Variants in NALF1 observed in about 807,000 individuals in gnomAD.
NALF1 encodes NALCN channel auxiliary factor 1.
In NALF1, 3 loss-of-function variants were observed where a neutral mutation model predicts 48.4. The ratio of observed to expected loss-of-function variants is 0.06; its 90% CI spans 0.03 to 0.16. The LOEUF (loss-of-function observed/expected upper bound fraction) is 0.16. Ranked by LOEUF, NALF1 falls within the 10% of genes least tolerant of loss-of-function variation. The probability of loss-of-function intolerance (pLI) is 1.00; values close to 1 mark genes in which losing one functional copy is unlikely to be tolerated. For synonymous variants in NALF1, 262 were observed against 245.7 expected (o/e 1.07, Z -0.62); for missense variants, 526 against 571.5 (o/e 0.92, Z 0.81).
chr13:107,437,398 T>C (rs1207166416), intron 1 of NALF1, among the ~76,000 whole-genome samples: 1 of 152,132 alleles, frequency 6.6e-6, no homozygotes, highest in Non-Finnish European at 1.5e-5. Context: ...GTATTTCCTT[T>C]AAAATAAAAA....
At chr13:107,358,466 C>A (rs968707857) in intron 1 of NALF1, among the ~76,000 whole-genome samples, 1 of 152,044 alleles carries the variant, frequency 6.6e-6, no homozygotes, top group Non-Finnish European at 1.5e-5. Context: ...TTTTTAACCT[C>A]ATTTATTGGC....
intron 1 of NALF1, among the ~76,000 whole-genome samples, chr13:107,810,556 C>A (rs751650690): frequency 2.0e-5 from 3 of 152,246 alleles, no homozygotes; most frequent in Admixed American, 6.5e-5. Flanking sequence ...TATATTTATA[C>A]ACAAATGTCC....
intron 1 of NALF1, among the ~76,000 whole-genome samples, chr13:107,861,512 C>T (rs1391994071): frequency 6.6e-6 from 1 of 152,200 alleles, no homozygotes; most frequent in Non-Finnish European, 1.5e-5. Context: ...TGGCCAGGCG[C>T]TGTGGCTCAC....
Position 107,604,286 on chromosome 13 carries a change from T to A in NALF1, c.915+261396A>T, listed in dbSNP as rs373796893. Among the ~76,000 whole-genome samples, 6 of 152,316 alleles carry A rather than the reference T, an allele frequency of 3.9e-5. No individual in the cohort carries two copies. In the East Asian group the frequency reaches 7.7e-4, roughly 20 times the overall value. The stretch of plus-strand genomic sequence containing the variant: ...GCTTAGGGGCTACATTTAAAATTGG[T>A]GGCTTTTAATCCAAATAATTATTTT... On this transcript the variant is annotated intron_variant, in intron 1 of 2. Coordinates refer to ENST00000375915, the MANE Select transcript of NALF1 (RefSeq NM_001080396.3).
At chr13:107,661,505 CAACTG>C (rs1880734075) in intron 1 of NALF1, among the ~76,000 whole-genome samples, 1 of 151,640 alleles carries the variant, frequency 6.6e-6, no homozygotes, top group South Asian at 2.1e-4. Flanking sequence ...TGCGAGCGGC[CAACTG>C]AACTAGTAGC....
At chr13:107,482,392 G>A (rs775736120) in intron 1 of NALF1, among the ~76,000 whole-genome samples, 33 of 152,130 alleles carry the variant, frequency 2.2e-4, no homozygotes, top group African/African-American at 4.3e-4. Context: ...AGAGAACCTC[G>A]ACTAATACAC....
chr13:107,824,277 G>A (rs1274954813), intron 1 of NALF1, among the ~76,000 whole-genome samples: 1 of 151,906 alleles, frequency 6.6e-6, no homozygotes, highest in African/African-American at 2.4e-5. Flanking sequence ...TTGTCTGATT[G>A]TTAATATAGG....
chr13:107,553,204 A>G (rs1877348943), intron 1 of NALF1, among the ~76,000 whole-genome samples: 1 of 152,216 alleles, frequency 6.6e-6, no homozygotes, highest in Non-Finnish European at 1.5e-5. Context: ...TTAGAAACGC[A>G]TTGCTAAATC....
intron 2 of NALF1, among the ~76,000 whole-genome samples, chr13:107,194,235 A>G (rs2138787410): frequency 6.6e-6 from 1 of 152,306 alleles, no homozygotes. Context: ...TGAAGATGTA[A>G]TGAGATCATT....
At chr13:107,587,130 G>A (rs533844721) in intron 1 of NALF1, among the ~76,000 whole-genome samples, 5 of 152,076 alleles carry the variant, frequency 3.3e-5, no homozygotes, top group South Asian at 4.2e-4. Flanking sequence ...GATAAATGAG[G>A]GTAATCAAAG....
intron 1 of NALF1, among the ~76,000 whole-genome samples, chr13:107,665,393 T>A (rs1393929189): frequency 1.3e-5 from 2 of 152,148 alleles, no homozygotes; most frequent in Admixed American, 6.6e-5. Flanking sequence ...TAGTTCTTAC[T>A]CTTAGGCAAT....
intron 1 of NALF1, among the ~76,000 whole-genome samples, chr13:107,805,510 C>G (rs1035938621): frequency 9.2e-5 from 14 of 152,014 alleles, no homozygotes; most frequent in Admixed American, 1.3e-4. Context: ...CTCCCAGGAG[C>G]TCTTTTGTTC....
In NALF1 at chr13:107,867,301, TGCTGCC is replaced by T. The variant is rs1294789166; in HGVS notation, c.-711_-706del. Among the ~76,000 whole-genome samples the T allele has an allele frequency of 2.0e-4, 7 of 35,762 alleles. No individual in the cohort carries two copies. The South Asian group carries it at 6.2e-3, about 32-fold the overall frequency. The allele number at this position is 35,762 out of a possible 152,430, so 23.5% of individuals were successfully genotyped here. The stretch of plus-strand genomic sequence containing the variant: ...CCCACCCCCCACCCCGCGCTCTAAG[TGCTGCC>T]GCCGCCGCCGCCGCCGCCGCCGCTG... On this transcript the variant is annotated 5_prime_UTR_variant, in exon 1 of 3. Coordinates refer to ENST00000375915, the MANE Select transcript of NALF1 (RefSeq NM_001080396.3). The surrounding 1 kb of genome is among the most constrained non-coding windows in gnomAD (Gnocchi z 4.4).
intron 1 of NALF1, among the ~76,000 whole-genome samples, chr13:107,601,254 T>C (rs1878917388): frequency 6.6e-6 from 1 of 152,186 alleles, no homozygotes; most frequent in African/African-American, 2.4e-5. Context: ...GAGCTGAGAC[T>C]GTGCTGACCA....
intron 1 of NALF1, among the ~76,000 whole-genome samples, chr13:107,366,489 A>T (rs1487557757): frequency 6.6e-6 from 1 of 152,202 alleles, no homozygotes; most frequent in African/African-American, 2.4e-5. Context: ...GCATTTACCA[A>T]CAAAAGGGGC....
intron 1 of NALF1, among the ~76,000 whole-genome samples, chr13:107,599,436 A>AC (rs1555311571): frequency 6.7e-6 from 1 of 150,160 alleles, no homozygotes; most frequent in Non-Finnish European, 1.5e-5. Context: ...AAAAAAAAAA[A>AC]AAATAACATT....
In NALF1 at chr13:107,503,774, T is replaced by A. The variant is rs1359345662; in HGVS notation, c.916-293019A>T. ...GTGTTTGTGTGTGTGTGTGTGTGTG[T>A]GTGTGTGTGTGTGTAATGAAGTATT... On this transcript the variant is annotated intron_variant, in intron 1 of 2. Coordinates refer to ENST00000375915, the MANE Select transcript of NALF1 (RefSeq NM_001080396.3). 3.5e-5 allele frequency among the ~76,000 whole-genome samples: 5 copies of A among 144,262 alleles called. No homozygotes were observed. The East Asian group carries it at 9.7e-4, about 28-fold the overall frequency. The allele number at this position is 144,262 out of a possible 152,430, so 94.6% of individuals were successfully genotyped here.
chr13:107,558,364 C>G (rs925374401), intron 1 of NALF1, among the ~76,000 whole-genome samples: 5 of 151,926 alleles, frequency 3.3e-5, no homozygotes, highest in African/African-American at 1.2e-4. Context: ...TTCAATAGCA[C>G]AAAAATTATC....
intron 1 of NALF1, among the ~76,000 whole-genome samples, chr13:107,666,052 A>G (rs1197185926): frequency 6.6e-6 from 1 of 152,128 alleles, no homozygotes; most frequent in African/African-American, 2.4e-5. Context: ...ATGTCTAATA[A>G]TCTCCCATGA....
Sources: gnomAD v4.1 joint callset for allele counts (sites outside exome capture counted in the v4.1 genomes callset) on GRCh38, gnomAD v4.1.1 for gene constraint, Gnocchi (gnomAD v3.1) non-coding constraint, MANE v1.5 for transcripts, NCBI Gene and HGNC (gene_info 2026-07-23, HGNC 2026-07-21) for gene names.